KLF8: variants seen among roughly 807,000 people sequenced by gnomAD.
KLF8 encodes Krueppel-like factor 8.
A neutral mutation model predicts 18.2 loss-of-function variants in KLF8; 10 were observed. That is an observed-to-expected ratio of 0.55 (90% confidence interval 0.34 to 0.93). The LOEUF (loss-of-function observed/expected upper bound fraction) is 0.93, where lower values mean the gene tolerates loss of function less well. KLF8 is among the 40% of genes least tolerant of loss of function. The pLI is 0.02. For synonymous variants in KLF8, 109 were observed against 97.3 expected (o/e 1.12, Z -0.71); for missense variants, 264 against 277.9 (o/e 0.95, Z 0.36).
At chrX:55,962,176 C>T in the KLF8 span, 5 of 157,540 alleles carry the variant, frequency 3.2e-5, no homozygotes, top group East Asian at 9.8e-4. Context: ...ATTGCTTCTA[C>T]CATTCTTAAC....
chrX:56,175,075 GT>G, the KLF8 span, among the ~76,000 whole-genome samples: 5 of 110,083 alleles, frequency 4.5e-5, no homozygotes, highest in Non-Finnish European at 9.5e-5. Flanking sequence ...TTTTTGAAGG[GT>G]TTTTTTTGTC....
chrX:55,961,865 A>G, the KLF8 span: 2 of 231,515 alleles, frequency 8.6e-6, no homozygotes, highest in South Asian at 6.3e-5. Flanking sequence ...CGTCTAGAGC[A>G]GTGAAAAGAA....
the KLF8 span, among the ~76,000 whole-genome samples, chrX:55,938,670 A>G: frequency 1.1e-4 from 12 of 111,000 alleles, no homozygotes; most frequent in African/African-American, 3.3e-4. Context: ...AAATAAAGGG[A>G]TGGAGGAAGA....
the KLF8 span, among the ~76,000 whole-genome samples, chrX:56,092,675 T>C: frequency 9.0e-6 from 1 of 111,369 alleles, no homozygotes; most frequent in Admixed American, 9.6e-5. Context: ...TTGAATAATG[T>C]AGCCTGGAAA....
intron 3 of KLF8, chrX:56,266,423 A>G: frequency 1.4e-6 from 1 of 709,302 alleles, no homozygotes; most frequent in Middle Eastern, 8.2e-4. Context: ...CCTGAAAAAT[A>G]ATACTCTATC....
the KLF8 span, among the ~76,000 whole-genome samples, chrX:56,054,324 T>C: frequency 9.0e-6 from 1 of 111,442 alleles, no homozygotes; most frequent in East Asian, 2.8e-4. Flanking sequence ...TTTTGATTTC[T>C]ATTTTAATTT....
At chrX:55,984,108 G>T in the KLF8 span, among the ~76,000 whole-genome samples, 2 of 108,934 alleles carry the variant, frequency 1.8e-5, no homozygotes, top group Non-Finnish European at 3.8e-5. Flanking sequence ...TAAGGAATTT[G>T]GATTTGTTTT....
At chrX:56,058,194 A>G in the KLF8 span, among the ~76,000 whole-genome samples, 2 of 78,256 alleles carry the variant, frequency 2.6e-5, no homozygotes, top group African/African-American at 5.9e-5. Context: ...ATATATATAC[A>G]TATATATATA....
At chrX:55,996,785 G>A in the KLF8 span, among the ~76,000 whole-genome samples, 1 of 111,834 alleles carries the variant, frequency 8.9e-6, no homozygotes, top group African/African-American at 3.3e-5. Context: ...TCCAGTGGAG[G>A]GTGTCTGCAG....
the KLF8 span, among the ~76,000 whole-genome samples, chrX:55,990,105 T>C: frequency 1.8e-5 from 2 of 112,026 alleles, no homozygotes; most frequent in Non-Finnish European, 3.8e-5. Flanking sequence ...TTCTTCTTTA[T>C]TAGTCTTGCT....
At chrX:55,947,954 T>G in the KLF8 span, among the ~76,000 whole-genome samples, 2 of 112,118 alleles carry the variant, frequency 1.8e-5, no homozygotes, top group African/African-American at 6.5e-5. Flanking sequence ...TGCAGAGAAA[T>G]TATTTGTGCC....
chrX:56,159,672 C>T, the KLF8 span, among the ~76,000 whole-genome samples: 1 of 112,398 alleles, frequency 8.9e-6, no homozygotes, highest in Non-Finnish European at 1.9e-5. Flanking sequence ...AGTTTATTTG[C>T]ATAGAGGTGT....
the KLF8 span, among the ~76,000 whole-genome samples, chrX:55,988,753 C>A: frequency 9.0e-6 from 1 of 111,467 alleles, no homozygotes; most frequent in East Asian, 2.8e-4. Flanking sequence ...TCGTTGGTAG[C>A]TTGATGGGGA....
chrX:56,111,002 A>T, the KLF8 span, among the ~76,000 whole-genome samples: 14,095 of 111,067 alleles, frequency 0.13, 1,619 homozygotes, highest in African/African-American at 0.37. Flanking sequence ...CTACCATTTT[A>T]TTAGAGTCCT....
In KLF8 at chrX:56,284,486, A is replaced by G. The variant is rs201887872; in HGVS notation, c.1072A>G (p.Thr358Ala). The change falls in exon 6 of 6, where the codon ACC becomes GCC. Residue 358 changes from threonine (T) to alanine (A), a missense_variant. This residue lies in a region of KLF8 where 43 missense variants were observed against 84.3 expected (regional missense o/e 0.51). Coordinates refer to ENST00000468660, the MANE Select transcript of KLF8 (RefSeq NM_007250.5). The part of the protein sequence containing the change: ...HLSLHRRRHD[T>A]M ...GTCCCTGCATCGCCGTCGCCATGAC[A>G]CCATGTGAGCCGCACAGGTCACACT... is the stretch of plus-strand genomic sequence containing the variant. 8.4e-7 allele frequency: 1 copy of G among 1,192,516 alleles called. No homozygotes were observed. Among genetic ancestry groups the G allele is most frequent in the Non-Finnish European group, 1.1e-6 (1 of 886,165 alleles).
the KLF8 span, among the ~76,000 whole-genome samples, chrX:56,097,492 C>A: frequency 9.3e-6 from 1 of 107,925 alleles, no homozygotes; most frequent in Admixed American, 1.0e-4. Context: ...CCACACCCAG[C>A]TAATTTTCAA....
At chrX:55,944,120 T>A in the KLF8 span, among the ~76,000 whole-genome samples, 1 of 111,658 alleles carries the variant, frequency 9.0e-6, no homozygotes, top group South Asian at 3.8e-4. Context: ...TCTGTTTATA[T>A]GCTGGATTAC....
At chrX:56,079,660 A>C in the KLF8 span, among the ~76,000 whole-genome samples, 1 of 111,292 alleles carries the variant, frequency 9.0e-6, no homozygotes, top group African/African-American at 3.3e-5. Flanking sequence ...TATTAGGTCC[A>C]CTTGGTGCAG....
At chrX:56,024,212 T>A in the KLF8 span, among the ~76,000 whole-genome samples, 3 of 72,196 alleles carry the variant, frequency 4.2e-5, no homozygotes, top group African/African-American at 6.1e-4. Context: ...TTTTAATTTC[T>A]TTTTTTTTTT....
Sources: allele counts gnomAD v4.1 joint callset (sites outside exome capture counted in the v4.1 genomes callset), GRCh38; gene constraint gnomAD v4.1.1; regional missense constraint gnomAD v4.1.1; transcripts MANE v1.5; gene names NCBI Gene and HGNC (gene_info 2026-07-23, HGNC 2026-07-21).